Variants in KCNH7 observed in about 807,000 individuals in gnomAD.
KCNH7 encodes potassium voltage-gated channel subfamily H member 7, also known as voltage-gated inwardly rectifying potassium channel KCNH7.
A neutral mutation model predicts 120.8 loss-of-function variants in KCNH7; 49 were observed. The ratio of observed to expected loss-of-function variants is 0.41; its 90% confidence interval spans 0.32 to 0.51. KCNH7 has a LOEUF of 0.51. Among genes scored for constraint, KCNH7 ranks in the 20% least tolerant of loss-of-function variants. The pLI is 0.38. For synonymous variants in KCNH7, 547 were observed against 516.1 expected (o/e 1.06, Z -0.81); for missense variants, 1,097 against 1,446.6 (o/e 0.76, Z 3.92).
At chr2:162,803,651 A>T (rs1423891609) in intron 2 of KCNH7, among the ~76,000 whole-genome samples, 1 of 151,794 alleles carries the variant, frequency 6.6e-6, no homozygotes, top group Non-Finnish European at 1.5e-5. Flanking sequence ...ATTGGCACAT[A>T]TTTCATTCTA....
intron 2 of KCNH7, among the ~76,000 whole-genome samples, chr2:162,737,251 G>C (rs922870661): frequency 1.1e-4 from 16 of 152,094 alleles, no homozygotes; most frequent in Non-Finnish European, 1.9e-4. Context: ...CAGTAGGTAA[G>C]GGCTCGTAAG....
At chr2:162,728,092 C>CT (rs746075291) in intron 2 of KCNH7, among the ~76,000 whole-genome samples, 4 of 151,264 alleles carry the variant, frequency 2.6e-5, no homozygotes, top group African/African-American at 4.8e-5. Context: ...TTAAAAACTC[C>CT]TTTTTTTTCC....
chr2:162,462,412 T>A (rs181699183), intron 6 of KCNH7, among the ~76,000 whole-genome samples: 67 of 152,104 alleles, frequency 4.4e-4, no homozygotes, highest in Admixed American at 4.3e-3. Context: ...CAGTCATCTA[T>A]CACCTACAAG....
chr2:162,738,259 T>A (rs894161223), intron 2 of KCNH7, among the ~76,000 whole-genome samples: 3 of 152,118 alleles, frequency 2.0e-5, no homozygotes, highest in African/African-American at 7.2e-5. Context: ...TACACATGAA[T>A]GTCCTGTTAC....
chr2:162,564,345 T>C (rs1219779915), intron 2 of KCNH7, among the ~76,000 whole-genome samples: 1 of 152,138 alleles, frequency 6.6e-6, no homozygotes, highest in African/African-American at 2.4e-5. Context: ...ATTTCACAGG[T>C]CGCTGAGTCC....
chr2:162,666,380 C>T (rs1267067147), intron 2 of KCNH7, among the ~76,000 whole-genome samples: 18 of 148,144 alleles, frequency 1.2e-4, no homozygotes, highest in Non-Finnish European at 2.2e-4. Context: ...CTCCCCACAA[C>T]TTCCTTCCTA....
At chr2:162,747,898 A>G (rs1448209458) in intron 2 of KCNH7, among the ~76,000 whole-genome samples, 4 of 152,216 alleles carry the variant, frequency 2.6e-5, no homozygotes, top group South Asian at 2.1e-4. Flanking sequence ...AAATGTCTAT[A>G]AAGTGCCTAC....
At chr2:162,820,209 TTGTGTGTGTGTGTGTGTGTGTGTG>T (rs71410049) in intron 2 of KCNH7, among the ~76,000 whole-genome samples, 95 of 99,734 alleles carry the variant, frequency 9.5e-4, no homozygotes, top group South Asian at 5.0e-3. Flanking sequence ...CCGGCTAATT[TTGTGTGTGTGTGTGTGTGTGTGTG>T]TGTGTGTGTG....
At chr2:162,819,993 T>C (rs908171260) in intron 2 of KCNH7, among the ~76,000 whole-genome samples, 1 of 151,822 alleles carries the variant, frequency 6.6e-6, no homozygotes, top group African/African-American at 2.4e-5. Flanking sequence ...TTACATAAAT[T>C]CTACAGTGTG....
intron 2 of KCNH7, among the ~76,000 whole-genome samples, chr2:162,813,448 G>T (rs1243021701): frequency 6.6e-6 from 1 of 152,136 alleles, no homozygotes; most frequent in Non-Finnish European, 1.5e-5. Flanking sequence ...CTGCCATCAG[G>T]GGTGATTGGT....
At chr2:162,655,664 G>A (rs1458330016) in intron 2 of KCNH7, among the ~76,000 whole-genome samples, 2 of 151,976 alleles carry the variant, frequency 1.3e-5, no homozygotes, top group African/African-American at 4.8e-5. Flanking sequence ...GTGGTGGCGC[G>A]CGCTTGTAGT....
Position 162,561,614 on chromosome 2 carries a change from GT to G in KCNH7, c.308-24535del, listed in dbSNP as rs201397378. Among the ~76,000 whole-genome samples, 863 of 152,212 alleles carry G rather than the reference GT, an allele frequency of 5.7e-3. 9 individuals carry two copies. The highest frequency in any genetic ancestry group is 0.02 in the African/African-American group (814 of 41,538). On this transcript the variant is annotated intron_variant, in intron 2 of 15. Transcript: ENST00000332142. ...CTGGCATGAGATGGTATCTATTGTG[GT>G]TTTGATTTGGATTTCTCTAATGACC...
intron 2 of KCNH7, among the ~76,000 whole-genome samples, chr2:162,738,067 CAAAAAAAAAAA>C (rs58433565): frequency 3.6e-5 from 2 of 56,026 alleles, no homozygotes; most frequent in Non-Finnish European, 8.0e-5. Context: ...GACTTCATAT[CAAAAAAAAAAA>C]AAAAAAAAAA....
At chr2:162,442,649 A>G (rs1242636499) in intron 7 of KCNH7, among the ~76,000 whole-genome samples, 20 of 152,054 alleles carry the variant, frequency 1.3e-4, no homozygotes, top group Non-Finnish European at 2.9e-5. Context: ...ACTTGAGCTC[A>G]GAGTTCAAGA....
intron 2 of KCNH7, among the ~76,000 whole-genome samples, chr2:162,555,864 G>A (rs1194706656): frequency 1.3e-5 from 2 of 151,682 alleles, no homozygotes; most frequent in Non-Finnish European, 1.5e-5. Context: ...TATTTTAACA[G>A]GATCATTTTT....
At chr2:162,476,922 A>C (rs544371820) in intron 6 of KCNH7, among the ~76,000 whole-genome samples, 7 of 152,308 alleles carry the variant, frequency 4.6e-5, no homozygotes, top group African/African-American at 1.7e-4. Flanking sequence ...ATATAATAAC[A>C]ATTAAAAATG....
intron 4 of KCNH7, among the ~76,000 whole-genome samples, chr2:162,515,218 C>T (rs1411693273): frequency 6.6e-6 from 1 of 151,602 alleles, no homozygotes; most frequent in Admixed American, 6.6e-5. Flanking sequence ...TTTATAACAG[C>T]TTACTTTGGG....
intron 2 of KCNH7, among the ~76,000 whole-genome samples, chr2:162,668,128 G>C (rs1376049214): frequency 1.3e-5 from 2 of 152,080 alleles, no homozygotes; most frequent in Non-Finnish European, 2.9e-5. Flanking sequence ...TTATTGCAGA[G>C]ATGTCAAGAA....
chr2:162,461,833 T>A (rs1001528638), intron 6 of KCNH7, among the ~76,000 whole-genome samples: 2 of 152,106 alleles, frequency 1.3e-5, no homozygotes, highest in African/African-American at 4.8e-5. Context: ...CTAGGGAACA[T>A]TTAGTTGGTC....
Sources: gnomAD v4.1 joint callset for allele counts (sites outside exome capture counted in the v4.1 genomes callset) on GRCh38, gnomAD v4.1.1 for gene constraint, MANE v1.5 for transcripts, NCBI Gene and HGNC (gene_info 2026-07-23, HGNC 2026-07-21) for gene names.